The following ZNF512 variants were observed in gnomAD, a reference collection of about 807,000 sequenced individuals.
The protein encoded by ZNF512 is zinc finger protein 512.
Under a neutral mutation model 77.5 loss-of-function variants are expected in ZNF512, and 25 were observed. The observed-to-expected ratio is 0.32, with a 90% CI of 0.23 to 0.45. The LOEUF (loss-of-function observed/expected upper bound fraction) is 0.45. ZNF512 is among the 20% of genes least tolerant of loss of function. The pLI is 1.00. For synonymous variants in ZNF512, 246 were observed against 239.9 expected, an observed-to-expected ratio of 1.03 and a Z score of -0.24; for missense variants, 483 against 692.6, an observed-to-expected ratio of 0.70 and a Z score of 3.40.
chr2:27,603,111 T>G, intron 8 of ZNF512, 29 bp from the exon 9 acceptor site: 2 of 1,610,338 alleles, frequency 1.2e-6, no homozygotes, highest in Non-Finnish European at 8.5e-7. Context: ...GATGTAAGAT[T>G]ATAGTTTAGG....
At position 27,623,134 on chromosome 2, in the gene ZNF512, C is replaced by G. The variant is rs1311380425; in HGVS notation, c.*1673C>G. 6.6e-6 allele frequency: 1 copy of G among 152,462 alleles called. No homozygotes were observed. The highest frequency in any genetic ancestry group is 1.5e-5 in the Non-Finnish European group (1 of 68,054). 9.4% of individuals were successfully genotyped at this position (152,462 alleles called of 1,614,324 possible). ...TCTTTGACGCCGACCTGCTGCATGA[C>G]TCCTTGACACTGTATGGGGGTAAGA... On this transcript the variant is annotated 3_prime_UTR_variant, in exon 14 of 14. Transcript: ENST00000355467.
intron 2 of ZNF512, among the ~76,000 whole-genome samples, chr2:27,591,251 A>T (rs1029766307): frequency 6.6e-6 from 1 of 151,860 alleles, no homozygotes; most frequent in African/African-American, 2.4e-5. Flanking sequence ...CATAGTAAGG[A>T]TATATATTTA....
chr2:27,591,251 A>G (rs1029766307), intron 2 of ZNF512, among the ~76,000 whole-genome samples: 1 of 151,860 alleles, frequency 6.6e-6, no homozygotes, highest in Non-Finnish European at 1.5e-5. Context: ...CATAGTAAGG[A>G]TATATATTTA....
rs367952787 is a variant in ZNF512 at position 27,607,907 on chromosome 2, G to C, written c.999G>C (p.Lys333Asn). 1 of 1,614,072 alleles carries C rather than the reference G, an allele frequency of 6.2e-7. No homozygotes were observed. The highest frequency in any genetic ancestry group is 1.3e-5 in the African/African-American group (1 of 74,912). ...ECLKEMNLESKSGGRVQRRSA... is the reference protein window; with the variant it reads ...ECLKEMNLESNSGGRVQRRSA... ...TAAAGGAGATGAACCTAGAGTCAAA[G>C]AGTGGGGGCCGAGTTCAGAGACGTT... Residue 333 changes from lysine to asparagine, a missense_variant, in exon 10 of 14, where the codon AAG (lysine) becomes AAC (asparagine). Coordinates refer to ENST00000355467, the MANE Select transcript of ZNF512 (RefSeq NM_032434.4).
rs1348096122 is a variant in ZNF512, at chr2:27,608,089, G to T, written c.1131+50G>T. The T allele has an allele frequency of 6.7e-6, 10 of 1,488,592 alleles. No homozygotes were observed. In the African/African-American group the frequency reaches 1.3e-4, roughly 19 times the overall value. 92.2% of individuals were successfully genotyped at this position (1,488,592 alleles called of 1,614,324 possible). ...TGGGAACCATTATGTCTAACGTTGT[G>T]CCTACTGTACACAGAGAAGTAAATG... is the stretch of plus-strand genomic sequence containing the variant. On this transcript the variant is annotated intron_variant, in intron 10 of 13. Transcript: ENST00000355467.
In ZNF512 at chr2:27,603,150, G is replaced by A. The variant is rs756100965; in HGVS notation, c.779G>A (p.Ser260Asn). The A allele has an allele frequency of 6.2e-7, 1 of 1,614,140 alleles. No homozygotes were observed. Among genetic ancestry groups the A allele is most frequent in the Admixed American group, 1.7e-5 (1 of 60,028 alleles). The change falls in exon 9 of 14, where the codon AGT (serine) becomes AAT (asparagine). Residue 260 changes from serine (S) to asparagine (N), a missense_variant. Around this residue, in one of 2 missense-constraint regions of ZNF512, gnomAD observed 324 missense variants for 525.0 expected, o/e 0.62. Coordinates refer to ENST00000355467, the MANE Select transcript of ZNF512 (RefSeq NM_032434.4). Reference sequence around the variant, plus strand: ...CTCTCCTCTGTTCAGAGTTGCTCCAGTAGCTTCACCAGCATCATGGGATAT... The same window carrying A: ...CTCTCCTCTGTTCAGAGTTGCTCCAATAGCTTCACCAGCATCATGGGATAT... ...KLRCMRESCS[S>N]SFTSIMGYLY...
chr2:27,583,769 G>A, intron 2 of ZNF512, 53 bp downstream of exon 2: 1 of 1,587,424 alleles, frequency 6.3e-7, no homozygotes, highest in Admixed American at 1.8e-5. Flanking sequence ...GCGCTGACCA[G>A]TAGAACTTCT....
In ZNF512 at chr2:27,586,426, C is replaced by T. The variant is rs564263798; in HGVS notation, c.89+2710C>T. ...TTGTATTTTAGTAGAGAAGGGGTTT[C>T]ACAGTGTTGCCCAGGCTGGTCTTGA... is the stretch of plus-strand genomic sequence containing the variant. On this transcript the variant is annotated intron_variant, in intron 2 of 13. Coordinates refer to ENST00000355467, the MANE Select transcript of ZNF512 (RefSeq NM_032434.4). Among the ~76,000 whole-genome samples the T allele has an allele frequency of 7.6e-4, 116 of 152,214 alleles. 1 individual carries two copies. Among genetic ancestry groups the T allele is most frequent in the African/African-American group, 2.7e-3 (111 of 41,536 alleles).
intron 9 of ZNF512, among the ~76,000 whole-genome samples, chr2:27,605,316 G>C (rs1003265899): frequency 6.6e-6 from 1 of 151,952 alleles, no homozygotes; most frequent in Non-Finnish European, 1.5e-5. Context: ...AGCTGGGTGT[G>C]GGTGGTGCAC....
chr2:27,583,834 C>G lies in ZNF512; in HGVS notation c.89+118C>G, dbSNP rs531934741. Reference sequence around the variant, plus strand: ...TTGTCCAGTATCATAGCCACTAACCCGGTGTGGATTTTGAGCAGTTGAAAT... The same window carrying G: ...TTGTCCAGTATCATAGCCACTAACCGGGTGTGGATTTTGAGCAGTTGAAAT... On this transcript the variant is annotated intron_variant, in intron 2 of 13. Transcript: ENST00000355467. 1.7e-4 allele frequency: 188 copies of G among 1,127,674 alleles called. No homozygotes were observed. In the African/African-American group the frequency reaches 2.8e-3, roughly 17 times the overall value. The allele number at this position is 1,127,674 out of a possible 1,614,324, so 69.9% of individuals were successfully genotyped here.
chr2:27,603,002 G>T, intron 8 of ZNF512, 138 bp from the exon 9 acceptor site: 1 of 918,494 alleles, frequency 1.1e-6, no homozygotes, highest in South Asian at 1.6e-5. Context: ...GTGCTGATGG[G>T]AGATGTTGGA....
chr2:27,603,956 T>A (rs1672247065), intron 9 of ZNF512, among the ~76,000 whole-genome samples: 1 of 151,930 alleles, frequency 6.6e-6, no homozygotes, highest in Non-Finnish European at 1.5e-5. Context: ...AGACAGACTT[T>A]CCCTCTGTTG....
chr2:27,613,723 C>A (rs1672761788), intron 10 of ZNF512, among the ~76,000 whole-genome samples: 1 of 151,990 alleles, frequency 6.6e-6, no homozygotes, highest in Non-Finnish European at 1.5e-5. Context: ...TATAAGTGGA[C>A]CTGCACAGTT....
At position 27,598,152 on chromosome 2, in the gene ZNF512, T is replaced by G. The variant is rs1402820217; in HGVS notation, c.175T>G (p.Ser59Ala). The G allele has an allele frequency of 6.2e-7, 1 of 1,614,032 alleles. No individual in the cohort carries two copies. Among genetic ancestry groups the G allele is most frequent in the Non-Finnish European group, 8.5e-7 (1 of 1,179,992 alleles). Residue 59 changes from serine (S) to alanine (A), a missense_variant, in exon 3 of 14, where the codon TCT (serine) becomes GCT (alanine). Coordinates refer to ENST00000355467, the MANE Select transcript of ZNF512 (RefSeq NM_032434.4). ...DDSLSGSSSASSCEPVSDFPA... is the reference protein window; with the variant it reads ...DDSLSGSSSAASCEPVSDFPA... ...CTCCTTAAGTGGTTCATCGTCTGCA[T>G]CTTCGTGTGAACCAGTGAGTGATTT...
intron 2 of ZNF512, among the ~76,000 whole-genome samples, chr2:27,587,597 A>T (rs535027465): frequency 6.7e-6 from 1 of 149,526 alleles, no homozygotes; most frequent in South Asian, 2.1e-4. Context: ...TTTTTAATTC[A>T]TCATATATGA....
At chr2:27,600,571 T>C (rs1444715721) in intron 5 of ZNF512, 120 bp from the exon 6 acceptor site, 4 of 1,186,750 alleles carry the variant, frequency 3.4e-6, no homozygotes, top group Non-Finnish European at 4.7e-6. Context: ...AGCCTCTTCA[T>C]CGCAGTCTAC....
intron 1 of ZNF512, chr2:27,583,449 T>A (rs1671200619): frequency 6.9e-7 from 1 of 1,448,436 alleles, no homozygotes; most frequent in Non-Finnish European, 9.0e-7. Context: ...GCTTTGAGAA[T>A]GGGGGAAGAC....
chr2:27,583,741 T>C (rs1421645496), intron 2 of ZNF512, 25 bp downstream of exon 2: 17 of 1,612,430 alleles, frequency 1.1e-5, no homozygotes, highest in Non-Finnish European at 1.4e-5. Context: ...CTAAGGTCCT[T>C]TTATGATTGT....
chr2:27,583,137 C>T lies in ZNF512; in HGVS notation c.25C>T (p.Pro9Ser), dbSNP rs1401498502. Residue 9 changes from proline to serine, a missense_variant, in exon 1 of 14, where the codon CCC becomes TCC. Pro to Ser is a moderately conservative substitution (Grantham distance 74). Coordinates refer to ENST00000355467, the MANE Select transcript of ZNF512 (RefSeq NM_032434.4). ...GATGTCTTCCAGACTCGGTGCTGTA[C>T]CCGCCGTGAGTTTCTTGGTTTGACC... MSSRLGAV[P>S]ATSGPTTFKQ... 1.2e-6 allele frequency: 2 copies of T among 1,614,112 alleles called. No homozygotes were observed. The highest frequency in any genetic ancestry group is 1.7e-6 in the Non-Finnish European group (2 of 1,180,010).
Sources: gnomAD v4.1 joint callset for allele counts (sites outside exome capture counted in the v4.1 genomes callset) on GRCh38, gnomAD v4.1.1 for gene constraint, gnomAD v4.1.1 regional missense constraint, MANE v1.5 for transcripts, NCBI Gene and HGNC (gene_info 2026-07-23, HGNC 2026-07-21) for gene names.